The following RAPGEF1 variants were observed in gnomAD, a reference collection of about 807,000 sequenced individuals.
RAPGEF1 encodes the protein Rap guanine nucleotide exchange factor 1.
Under a neutral mutation model 143.3 loss-of-function variants are expected in RAPGEF1, and 33 were observed. The observed-to-expected ratio is 0.23, with a 90% CI of 0.17 to 0.31. The LOEUF (loss-of-function observed/expected upper bound fraction) is 0.31, where lower values mean the gene tolerates loss of function less well. RAPGEF1 is among the 10% of genes least tolerant of loss of function. The pLI, the probability that RAPGEF1 is intolerant of heterozygous loss-of-function variation, is 1.00. For missense variants in RAPGEF1, 1,199 were observed against 1,645.4 expected (o/e 0.73, Z 4.69); for synonymous variants, 629 against 676.5 (o/e 0.93, Z 1.09).
At chr9:131,739,541 C>CG (rs1011743252) in intron 1 of RAPGEF1, among the ~76,000 whole-genome samples, 8 of 151,014 alleles carry the variant, frequency 5.3e-5, no homozygotes, top group Non-Finnish European at 8.9e-5. Flanking sequence ...GCAGGGGCCC[C>CG]GCCCGGCCCG....
Position 131,627,940 on chromosome 9 carries a change from A to T in RAPGEF1, c.1174T>A (p.Ser392Thr). Residue 392 changes from serine (S) to threonine (T), a missense_variant, in exon 9 of 27, where the codon TCC becomes ACC. By Grantham distance (58) the Ser-to-Thr change is moderately conservative. This residue lies in a region of RAPGEF1 where 613 missense variants were observed against 710.9 expected (regional missense o/e 0.86). Transcript: ENST00000683357. ...AGTGTTTCACAGCTTGTGTTCCGGG[A>T]GCACTGCCCACTGTCCCTGTCCAGA... ...SSLDRDSGQC[S>T]RNTSCETLDH... The T allele has an allele frequency of 6.3e-7, 1 of 1,586,282 alleles. No homozygotes were observed. The highest frequency in any genetic ancestry group is 8.6e-7 in the Non-Finnish European group (1 of 1,166,854).
At chr9:131,713,136 A>C (rs922093633) in intron 1 of RAPGEF1, among the ~76,000 whole-genome samples, 1 of 152,234 alleles carries the variant, frequency 6.6e-6, no homozygotes, top group African/African-American at 2.4e-5. Context: ...CAGAAGCAGA[A>C]GGCTGACTGC....
In RAPGEF1 at chr9:131,579,302, T is replaced by C; in HGVS notation, c.*195A>G. The C allele has an allele frequency of 1.4e-6, 1 of 705,832 alleles. No homozygotes were observed. Among genetic ancestry groups the C allele is most frequent in the Non-Finnish European group, 2.3e-6 (1 of 426,678 alleles). 43.7% of individuals were successfully genotyped at this position (705,832 alleles called of 1,614,324 possible). ...TGCTGGCTGCCCTGAGGCCCACGGG[T>C]CTGCTCCCACAGAGGAAGGAGGCAG... On this transcript the variant is annotated 3_prime_UTR_variant, in exon 27 of 27. Transcript: ENST00000683357.
rs564480023 is a variant in RAPGEF1 at position 131,637,165 on chromosome 9, C to T, written c.651+1470G>A. On this transcript the variant is annotated intron_variant, in intron 5 of 26. Coordinates refer to ENST00000683357, the MANE Select transcript of RAPGEF1 (RefSeq NM_001377935.1). ...ACTTGAACCCAGGAGGCAGAGGTTG[C>T]AGTGAGCCGAGATCGCACCACTGCA... 8.0e-5 allele frequency among the ~76,000 whole-genome samples: 12 copies of T among 150,696 alleles called. No individual in the cohort carries two copies. The South Asian group carries it at 1.5e-3, about 18-fold the overall frequency.
At position 131,605,102 on chromosome 9, in the gene RAPGEF1, AGAG is replaced by A; in HGVS notation, c.2145_2147del (p.Ser718del). Reference sequence around the variant, plus strand: ...GGGCAGGTGGGAAATGTGGAGAGGAAGAGGAGGTAGGCGGAAGGAAAGGCGGAA... The same window carrying A: ...GGGCAGGTGGGAAATGTGGAGAGGAAGAGGTAGGCGGAAGGAAAGGCGGAA... On this transcript the variant is annotated inframe_deletion, in exon 13 of 27. Coordinates refer to ENST00000683357, the MANE Select transcript of RAPGEF1 (RefSeq NM_001377935.1). The A allele has an allele frequency of 1.5e-6, 2 of 1,365,084 alleles. No homozygotes were observed. Among genetic ancestry groups the A allele is most frequent in the Non-Finnish European group, 2.0e-6 (2 of 1,021,324 alleles). The allele number at this position is 1,365,084 out of a possible 1,614,324, so 84.6% of individuals were successfully genotyped here.
chr9:131,673,851 C>T (rs1462464645), intron 1 of RAPGEF1, among the ~76,000 whole-genome samples: 1 of 152,208 alleles, frequency 6.6e-6, no homozygotes, highest in Non-Finnish European at 1.5e-5. Context: ...TCATCGTGGC[C>T]TCTGTTTCCT....
At chr9:131,605,725 C>T (rs1957015299) in intron 12 of RAPGEF1, among the ~76,000 whole-genome samples, 1 of 151,742 alleles carries the variant, frequency 6.6e-6, no homozygotes, top group Admixed American at 6.6e-5. Context: ...TGTCTGAGTC[C>T]ATTTCTCTTC....
At chr9:131,734,110 T>C (rs1564216103) in intron 1 of RAPGEF1, among the ~76,000 whole-genome samples, 1 of 152,184 alleles carries the variant, frequency 6.6e-6, no homozygotes, top group Non-Finnish European at 1.5e-5. Flanking sequence ...GATCTTTTTT[T>C]TCAAAGATCA....
intron 12 of RAPGEF1, among the ~76,000 whole-genome samples, chr9:131,617,594 C>T (rs1481671685): frequency 6.6e-6 from 1 of 152,228 alleles, no homozygotes; most frequent in Non-Finnish European, 1.5e-5. Context: ...GGTTAACTCT[C>T]ATGTGTAAAG....
chr9:131,582,765 C>A, intron 24 of RAPGEF1, 63 bp from the exon 25 acceptor site: 1 of 1,413,268 alleles, frequency 7.1e-7, no homozygotes, highest in Non-Finnish European at 9.6e-7. Context: ...AATGCTGGGG[C>A]AGAGCCCTGG....
chr9:131,712,594 C>T (rs1239793802), intron 1 of RAPGEF1, among the ~76,000 whole-genome samples: 1 of 152,200 alleles, frequency 6.6e-6, no homozygotes, highest in African/African-American at 2.4e-5. Context: ...CTCCTGGCGC[C>T]TGTGCACACA....
chr9:131,733,931 C>G lies in RAPGEF1; in HGVS notation c.61+5839G>C, dbSNP rs950908657. Among the ~76,000 whole-genome samples the G allele has an allele frequency of 2.0e-5, 3 of 152,230 alleles. No homozygotes were observed. In the South Asian group the frequency reaches 6.2e-4, roughly 32 times the overall value. On this transcript the variant is annotated intron_variant, in intron 1 of 26. Transcript: ENST00000683357. ...CAAACCGCCTCTGCCAACAGCTGCT[C>G]TGGAGACCAGGAAACATTTGGGGTT...
chr9:131,719,451 T>C (rs376971360), intron 1 of RAPGEF1, among the ~76,000 whole-genome samples: 2 of 152,132 alleles, frequency 1.3e-5, no homozygotes, highest in African/African-American at 2.4e-5. Context: ...GGGGCTATTA[T>C]TAAGCTACTT....
intron 1 of RAPGEF1, among the ~76,000 whole-genome samples, chr9:131,688,290 T>C (rs1285773639): frequency 6.6e-6 from 1 of 152,224 alleles, no homozygotes; most frequent in Admixed American, 6.5e-5. Context: ...TCCGAGTCTG[T>C]GAACACCTCC....
At chr9:131,585,782 G>C (rs1952624747) in intron 22 of RAPGEF1, among the ~76,000 whole-genome samples, 1 of 152,112 alleles carries the variant, frequency 6.6e-6, no homozygotes. Flanking sequence ...CTGAGCTCTA[G>C]GGGGTCCTGC....
intron 1 of RAPGEF1, among the ~76,000 whole-genome samples, chr9:131,653,147 C>T (rs564045536): frequency 3.9e-5 from 6 of 152,266 alleles, no homozygotes; most frequent in Admixed American, 6.5e-5. Flanking sequence ...GGATCCTCTG[C>T]GGGGATCAAA....
chr9:131,607,471 C>A (rs1254450833), intron 12 of RAPGEF1, among the ~76,000 whole-genome samples: 4 of 152,124 alleles, frequency 2.6e-5, no homozygotes, highest in Non-Finnish European at 2.9e-5. Context: ...GGTTTTCCAT[C>A]GATCTCTGGA....
intron 1 of RAPGEF1, among the ~76,000 whole-genome samples, chr9:131,659,006 A>G (rs1973273362): frequency 2.0e-5 from 3 of 152,204 alleles, no homozygotes; most frequent in Admixed American, 2.0e-4. Context: ...AGTCAAGGGC[A>G]AGGTGGACAA....
chr9:131,674,169 T>C (rs1264305996), intron 1 of RAPGEF1, among the ~76,000 whole-genome samples: 2 of 152,166 alleles, frequency 1.3e-5, no homozygotes, highest in African/African-American at 4.8e-5. Context: ...TATAATAATA[T>C]TTTCGTGTTC....
Sources: allele counts gnomAD v4.1 joint callset (sites outside exome capture counted in the v4.1 genomes callset), GRCh38; gene constraint gnomAD v4.1.1; regional missense constraint gnomAD v4.1.1; transcripts MANE v1.5; gene names NCBI Gene and HGNC (gene_info 2026-07-23, HGNC 2026-07-21).